The following PLAC1 variants were observed in gnomAD, a reference collection of about 807,000 sequenced individuals.
PLAC1 encodes the protein placenta-specific protein 1.
For missense variants in PLAC1, 136 were observed against 163.2 expected (o/e 0.83, Z 0.91); for synonymous variants, 68 against 62.1 (o/e 1.09, Z -0.44).
chrX:134,649,149 T>A (rs2078349192), intron 1 of PLAC1, among the ~76,000 whole-genome samples: 1 of 106,637 alleles, frequency 9.4e-6, no homozygotes, highest in Non-Finnish European at 1.9e-5. Context: ...GTGCCTGTAA[T>A]CCCAGCTACT....
intron 2 of PLAC1, among the ~76,000 whole-genome samples, chrX:134,673,674 G>C (rs921112514): frequency 3.6e-5 from 4 of 111,556 alleles, no homozygotes; most frequent in African/African-American, 1.3e-4. Context: ...GGAATTTGTT[G>C]ATAGTGAGTG....
Position 134,640,399 on chromosome X carries a change from A to G in PLAC1, c.-131+17929T>C, listed in dbSNP as rs894488332. Among the ~76,000 whole-genome samples, 11 of 111,625 alleles carry G rather than the reference A, an allele frequency of 9.9e-5. No individual in the cohort carries two copies. The East Asian group carries it at 1.4e-3, about 14-fold the overall frequency. ...AAGCATTTCCCTGAGATTGGCTCCT[A>G]TGAAAGTTACTCAACATCATCTCCA... On this transcript the variant is annotated intron_variant, in intron 1 of 2. Transcript: ENST00000359237.
At position 134,632,080 on chromosome X, in the gene PLAC1, T is replaced by C. The variant is rs192341154; in HGVS notation, c.-131+26248A>G. Reference sequence around the variant, plus strand: ...GACTTCTTTGTGTGACACCTCCAGGTGGTCAGAGCTGAGTTGAGGCCTTAG... The same window carrying C: ...GACTTCTTTGTGTGACACCTCCAGGCGGTCAGAGCTGAGTTGAGGCCTTAG... On this transcript the variant is annotated intron_variant, in intron 1 of 2. Transcript: ENST00000359237. Among the ~76,000 whole-genome samples, 459 of 111,799 alleles carry C rather than the reference T, an allele frequency of 4.1e-3. 3 individuals carry two copies. The highest frequency in any genetic ancestry group is 7.4e-3 in the Non-Finnish European group (393 of 53,104).
At chrX:134,584,018 GAA>G (rs760343006) in intron 2 of PLAC1, among the ~76,000 whole-genome samples, 4 of 92,824 alleles carry the variant, frequency 4.3e-5, no homozygotes, top group Non-Finnish European at 4.3e-5. Context: ...ACAAGTGAAT[GAA>G]AAAAAAAAAA....
chrX:134,633,441 A>G (rs1602858769), intron 1 of PLAC1, among the ~76,000 whole-genome samples: 1 of 111,206 alleles, frequency 9.0e-6, no homozygotes, highest in African/African-American at 3.3e-5. Flanking sequence ...AGTTGGATAT[A>G]TTTTCCATTC....
intron 2 of PLAC1, among the ~76,000 whole-genome samples, chrX:134,721,570 T>TA (rs1169272447): frequency 2.4e-5 from 2 of 84,824 alleles, no homozygotes; most frequent in Non-Finnish European, 4.7e-5. Flanking sequence ...ACTTGTCTCT[T>TA]AAAAAAAAGA....
At chrX:134,722,643 A>G (rs1309050752) in intron 2 of PLAC1, among the ~76,000 whole-genome samples, 2 of 111,934 alleles carry the variant, frequency 1.8e-5, no homozygotes, top group African/African-American at 6.5e-5. Flanking sequence ...AAAACCACTT[A>G]ATCATATAGT....
chrX:134,568,058 A>C (rs191646649), intron 2 of PLAC1, among the ~76,000 whole-genome samples: 1 of 112,329 alleles, frequency 8.9e-6, no homozygotes, highest in East Asian at 2.8e-4. Context: ...AAAACATGCT[A>C]TCAGAAGGAG....
chrX:134,615,469 T>C (rs2078174908), intron 1 of PLAC1, among the ~76,000 whole-genome samples: 1 of 112,404 alleles, frequency 8.9e-6, no homozygotes, highest in African/African-American at 3.2e-5. Flanking sequence ...GTTCCTTACA[T>C]ATTTTGGATA....
intron 2 of PLAC1, among the ~76,000 whole-genome samples, chrX:134,596,367 CTAT>C (rs1438465054): frequency 9.0e-6 from 1 of 111,680 alleles, no homozygotes; most frequent in Non-Finnish European, 1.9e-5. Flanking sequence ...CTTCCTTTAG[CTAT>C]TATTTTAGAG....
chrX:134,740,319 A>G (rs1377648471), intron 1 of PLAC1, among the ~76,000 whole-genome samples: 2 of 76,325 alleles, frequency 2.6e-5, no homozygotes, highest in South Asian at 4.5e-4. Context: ...TTCCGTCTCC[A>G]AAAAAAAAAA....
chrX:134,581,476 C>CTT (rs35457928), intron 2 of PLAC1, among the ~76,000 whole-genome samples: 29,184 of 58,681 alleles, frequency 0.5, 8,155 homozygotes, highest in Non-Finnish European at 0.61. Flanking sequence ...TTCTCAGACT[C>CTT]TTTTTTTTTT....
intron 2 of PLAC1, among the ~76,000 whole-genome samples, chrX:134,729,951 C>G (rs1188533261): frequency 1.8e-5 from 2 of 110,419 alleles, no homozygotes; most frequent in Non-Finnish European, 3.8e-5. Context: ...ACCACCACAC[C>G]CGGCTAACTT....
intron 1 of PLAC1, among the ~76,000 whole-genome samples, chrX:134,747,986 C>T (rs182997442): frequency 3.8e-4 from 42 of 111,843 alleles, no homozygotes; most frequent in Non-Finnish European, 2.3e-4. Context: ...GCCTTAGATA[C>T]GCTAATGCCA....
chrX:134,724,544 A>C (rs748924754), intron 2 of PLAC1, among the ~76,000 whole-genome samples: 1 of 112,754 alleles, frequency 8.9e-6, no homozygotes, highest in East Asian at 2.8e-4. Flanking sequence ...CCCTGATTAC[A>C]AAAGCAATAT....
chrX:134,621,444 CAAAAAAAAAAAAAAAAAA>C (rs11317429), intron 1 of PLAC1, among the ~76,000 whole-genome samples: 1 of 33,854 alleles, frequency 3.0e-5, no homozygotes, highest in African/African-American at 1.1e-4. Context: ...GGCTCTGTCT[CAAAAAAAAAAAAAAAAAA>C]AAAAAAAAAA....
At chrX:134,646,674 A>G (rs2078334957) in intron 1 of PLAC1, among the ~76,000 whole-genome samples, 1 of 112,782 alleles carries the variant, frequency 8.9e-6, no homozygotes, top group African/African-American at 3.2e-5. Context: ...CTAGAAATCT[A>G]GAATGGAAGG....
chrX:134,727,297 C>T (rs999805023), intron 2 of PLAC1, among the ~76,000 whole-genome samples: 6 of 112,196 alleles, frequency 5.3e-5, no homozygotes, highest in South Asian at 7.4e-4. Context: ...GAGCCTTTAA[C>T]GCCTCTTAGA....
intron 1 of PLAC1, among the ~76,000 whole-genome samples, chrX:134,751,881 T>C (rs924901498): frequency 8.9e-5 from 10 of 112,442 alleles, no homozygotes; most frequent in African/African-American, 3.2e-4. Context: ...CTCACTTCCA[T>C]GACTAGCATT....
Sources: gnomAD v4.1 joint callset for allele counts (sites outside exome capture counted in the v4.1 genomes callset) on GRCh38, gnomAD v4.1.1 for gene constraint, MANE v1.5 for transcripts, NCBI Gene and HGNC (gene_info 2026-07-23, HGNC 2026-07-21) for gene names.